Variants in ZNF385D observed in about 807,000 individuals in gnomAD.
ZNF385D encodes the protein zinc finger protein 659.
A neutral mutation model predicts 35.8 loss-of-function variants in ZNF385D; 15 were observed. The observed-to-expected ratio is 0.42, with a 90% CI of 0.28 to 0.64. ZNF385D has a LOEUF of 0.64. Among genes scored for constraint, ZNF385D ranks in the 30% least tolerant of loss-of-function variants. The probability of loss-of-function intolerance (pLI) is 0.23; values close to 1 mark genes in which losing one functional copy is unlikely to be tolerated. For missense variants in ZNF385D, 474 were observed against 494.6 expected (o/e 0.96, Z 0.39); for synonymous variants, 212 against 186.8 (o/e 1.13, Z -1.10).
Position 21,426,983 on chromosome 3 carries a change from AC to A in ZNF385D, c.674-1314del, listed in dbSNP as rs1456994181. Among the ~76,000 whole-genome samples the A allele has an allele frequency of 2.0e-5, 3 of 152,196 alleles. No homozygotes were observed. In the East Asian group the frequency reaches 5.8e-4, roughly 29 times the overall value. On this transcript the variant is annotated intron_variant, in intron 5 of 7. Transcript: ENST00000281523. ...TTCTTATTAAAATGTTCATATTTCA[AC>A]ACATTAGAGAAAGGAAAAAGTCAAT...
At chr3:21,705,923 A>G (rs562317963) in intron 1 of ZNF385D, among the ~76,000 whole-genome samples, 1 of 152,180 alleles carries the variant, frequency 6.6e-6, no homozygotes, top group Non-Finnish European at 1.5e-5. Context: ...CCAAAGCCTC[A>G]GCCTGGGACA....
At chr3:21,650,867 G>A (rs9864367) in intron 2 of ZNF385D, among the ~76,000 whole-genome samples, 2 of 151,918 alleles carry the variant, frequency 1.3e-5, no homozygotes, top group African/African-American at 4.8e-5. Flanking sequence ...GTTAACTGAT[G>A]GGAAGTTTTT....
At chr3:22,228,503 C>T (rs1459330197) in intron 2 of ZNF385D, among the ~76,000 whole-genome samples, 2 of 152,172 alleles carry the variant, frequency 1.3e-5, no homozygotes, top group Non-Finnish European at 2.9e-5. Context: ...TGCCACTCCC[C>T]ATAATACCAG....
intron 2 of ZNF385D, among the ~76,000 whole-genome samples, chr3:22,223,262 CTTAT>C (rs960693569): frequency 1.3e-5 from 2 of 151,876 alleles, no homozygotes; most frequent in Non-Finnish European, 2.9e-5. Flanking sequence ...ACATATTGTA[CTTAT>C]TTGTTTGTCC....
intron 2 of ZNF385D, among the ~76,000 whole-genome samples, chr3:21,664,440 T>A (rs2066339689): frequency 6.6e-6 from 1 of 152,200 alleles, no homozygotes; most frequent in African/African-American, 2.4e-5. Flanking sequence ...ACTTAAAACA[T>A]AATCACTGCT....
At chr3:21,855,498 G>T (rs1236965076) in intron 3 of ZNF385D, among the ~76,000 whole-genome samples, 3 of 151,988 alleles carry the variant, frequency 2.0e-5, no homozygotes, top group Non-Finnish European at 4.4e-5. Flanking sequence ...AGTGAGTCTA[G>T]ATTCCATTGC....
chr3:22,239,869 C>G (rs1699391145), intron 2 of ZNF385D, among the ~76,000 whole-genome samples: 1 of 150,684 alleles, frequency 6.6e-6, no homozygotes, highest in Non-Finnish European at 1.5e-5. Context: ...CATAGAACGT[C>G]AGAATTCTGG....
At chr3:21,771,675 C>A (rs1169740128) in intron 3 of ZNF385D, among the ~76,000 whole-genome samples, 1 of 151,668 alleles carries the variant, frequency 6.6e-6, no homozygotes, top group African/African-American at 2.4e-5. Flanking sequence ...TACATACAGC[C>A]AGGAAGAGCA....
At chr3:21,493,970 G>C (rs1190290337) in intron 4 of ZNF385D, among the ~76,000 whole-genome samples, 1 of 151,982 alleles carries the variant, frequency 6.6e-6, no homozygotes, top group Non-Finnish European at 1.5e-5. Context: ...AGAAAAACAG[G>C]CTTTTTTTTC....
chr3:22,277,672 G>C (rs1489414272), intron 2 of ZNF385D, among the ~76,000 whole-genome samples: 1 of 152,082 alleles, frequency 6.6e-6, no homozygotes, highest in Non-Finnish European at 1.5e-5. Flanking sequence ...AACAAAGTTA[G>C]CACAAATGTT....
intron 3 of ZNF385D, among the ~76,000 whole-genome samples, chr3:21,804,781 T>C (rs1168308127): frequency 8.5e-5 from 2 of 23,408 alleles, no homozygotes; most frequent in Admixed American, 3.8e-4. Flanking sequence ...GTTAAGTAAT[T>C]TGTTCAAGAT....
chr3:21,455,010 C>T (rs34964011), intron 4 of ZNF385D, among the ~76,000 whole-genome samples: 88,072 of 151,844 alleles, frequency 0.58, 25,943 homozygotes, highest in East Asian at 0.76. Flanking sequence ...ATAAAATACC[C>T]AGGAATCCAA....
intron 2 of ZNF385D, among the ~76,000 whole-genome samples, chr3:21,569,318 G>A (rs1258943111): frequency 1.3e-5 from 2 of 148,368 alleles, no homozygotes; most frequent in Non-Finnish European, 3.0e-5. Flanking sequence ...ATTATGTAAT[G>A]GCCTTCTTTG....
intron 3 of ZNF385D, among the ~76,000 whole-genome samples, chr3:22,117,336 TG>T (rs1459676583): frequency 6.6e-6 from 1 of 152,006 alleles, no homozygotes; most frequent in Non-Finnish European, 1.5e-5. Flanking sequence ...GGTTGCAAAA[TG>T]GGTTCTCTGA....
intron 3 of ZNF385D, among the ~76,000 whole-genome samples, chr3:22,079,567 C>A (rs540922947): frequency 6.6e-6 from 1 of 151,856 alleles, no homozygotes; most frequent in African/African-American, 2.4e-5. Flanking sequence ...CTCACCATTT[C>A]GCAAAGCAGG....
At chr3:22,221,387 C>T (rs1698246954) in intron 2 of ZNF385D, among the ~76,000 whole-genome samples, 1 of 152,020 alleles carries the variant, frequency 6.6e-6, no homozygotes, top group Admixed American at 6.6e-5. Context: ...ATATATACCC[C>T]CCCACCTCAT....
intron 3 of ZNF385D, among the ~76,000 whole-genome samples, chr3:21,889,288 C>T (rs1698716738): frequency 6.6e-6 from 1 of 152,124 alleles, no homozygotes; most frequent in South Asian, 2.1e-4. Context: ...GCCATAGATC[C>T]TCCCTAAGGG....
At chr3:22,081,701 A>G (rs968685337) in intron 3 of ZNF385D, among the ~76,000 whole-genome samples, 1 of 152,144 alleles carries the variant, frequency 6.6e-6, no homozygotes, top group African/African-American at 2.4e-5. Context: ...AAACCTTTCC[A>G]CGGCAGCCTT....
At position 22,097,347 on chromosome 3, in the gene ZNF385D, G is replaced by A. The variant is rs541417163; in HGVS notation, c.325+71470C>T. On this transcript the variant is annotated intron_variant, in intron 3 of 5. Coordinates refer to the ZNF385D transcript ENST00000494108. Reference sequence around the variant, plus strand: ...ATGGTGTTGGGTTTGGAACTAGATGGCAGGCTGAAGTTCAAAGGGCTTTGA... The same window carrying A: ...ATGGTGTTGGGTTTGGAACTAGATGACAGGCTGAAGTTCAAAGGGCTTTGA... Among the ~76,000 whole-genome samples, 3 of 152,090 alleles carry A rather than the reference G, an allele frequency of 2.0e-5. No homozygotes were observed. In the South Asian group the frequency reaches 6.2e-4, roughly 32 times the overall value.
Sources: allele counts gnomAD v4.1 joint callset (sites outside exome capture counted in the v4.1 genomes callset), GRCh38; gene constraint gnomAD v4.1.1; transcripts MANE v1.5; gene names NCBI Gene and HGNC (gene_info 2026-07-23, HGNC 2026-07-21).